Variants in SLCO1B1 observed in about 807,000 individuals in gnomAD.
SLCO1B1 encodes the protein solute carrier organic anion transporter family member 1B1, also known as OATP-2.
A neutral mutation model predicts 70.1 loss-of-function variants in SLCO1B1; 81 were observed. The observed-to-expected ratio is 1.16, with a 90% CI of 0.97 to 1.39. The LOEUF (loss-of-function observed/expected upper bound fraction) is 1.39, where lower values mean the gene tolerates loss of function less well. Ranked by LOEUF, SLCO1B1 falls within the 40% of genes most tolerant of loss-of-function variation. The pLI is 0.00. For missense variants in SLCO1B1, 895 were observed against 799.6 expected (o/e 1.12, Z -1.44); for synonymous variants, 283 against 271.5 (o/e 1.04, Z -0.42).
chr12:21,146,009 A>T (rs1940377423), intron 2 of SLCO1B1, among the ~76,000 whole-genome samples: 1 of 152,150 alleles, frequency 6.6e-6, no homozygotes, highest in South Asian at 2.1e-4. Flanking sequence ...TCTGAAAAAA[A>T]CTGTAGAGAA....
intron 14 of SLCO1B1, 43 bp downstream of exon 14, chr12:21,224,882 T>C: frequency 2.0e-6 from 2 of 977,234 alleles, no homozygotes; most frequent in Non-Finnish European, 3.2e-6. Context: ...TCTTTGACTA[T>C]ATTAATTCCT....
chr12:21,146,194 A>G (rs1442503955), intron 2 of SLCO1B1, among the ~76,000 whole-genome samples: 1 of 152,000 alleles, frequency 6.6e-6, no homozygotes, highest in African/African-American at 2.4e-5. Flanking sequence ...GTCTTTCAAT[A>G]TATTGGTCTA....
intron 7 of SLCO1B1, among the ~76,000 whole-genome samples, chr12:21,180,623 G>A (rs2121111651): frequency 6.6e-6 from 1 of 152,280 alleles, no homozygotes; most frequent in East Asian, 1.9e-4. Context: ...AGACATCACA[G>A]TGGGCCAGCA....
chr12:21,200,868 TC>T (rs1478028774), intron 9 of SLCO1B1, among the ~76,000 whole-genome samples, 196 bp downstream of exon 9: 1 of 152,164 alleles, frequency 6.6e-6, no homozygotes, highest in East Asian at 1.9e-4. Flanking sequence ...TGAAGTTGCA[TC>T]TTATTTTAGA....
chr12:21,136,062 A>T (rs1193627454), intron 1 of SLCO1B1, among the ~76,000 whole-genome samples: 3 of 151,982 alleles, frequency 2.0e-5, no homozygotes, highest in African/African-American at 7.3e-5. Context: ...CTTGTCTGTG[A>T]AGGATTTTGT....
intron 11 of SLCO1B1, 47 bp from the exon 12 acceptor site, chr12:21,217,072 T>C (rs773315505): frequency 1.1e-5 from 16 of 1,415,432 alleles, no homozygotes; most frequent in Non-Finnish European, 1.6e-5. Flanking sequence ...GCAGCACTGT[T>C]AGGTCTTGCA....
intron 1 of SLCO1B1, among the ~76,000 whole-genome samples, chr12:21,136,935 C>T (rs529433408): frequency 6.6e-6 from 1 of 152,272 alleles, no homozygotes; most frequent in African/African-American, 2.4e-5. Flanking sequence ...AGTTTTTCTG[C>T]TCTGTTTTTT....
chr12:21,239,452 T>C lies in SLCO1B1; in HGVS notation c.*263T>C, dbSNP rs553805035. On this transcript the variant is annotated 3_prime_UTR_variant, in exon 15 of 15. Transcript: ENST00000256958. ...ATACAAATTAAAGTGAGAGACATGG[T>C]TACTGTGTAATAAAAGAAAAAATAC... Among the ~76,000 whole-genome samples the C allele has an allele frequency of 6.6e-6, 1 of 152,298 alleles. No homozygotes were observed. The highest frequency in any genetic ancestry group is 1.9e-4 in the East Asian group (1 of 5,186).
In SLCO1B1 at chr12:21,239,615, T is replaced by C. The variant is rs1249369597; in HGVS notation, c.*426T>C. 6.6e-6 allele frequency among the ~76,000 whole-genome samples: 1 copy of C among 152,168 alleles called. No individual in the cohort carries two copies. Among genetic ancestry groups the C allele is most frequent in the East Asian group, 1.9e-4 (1 of 5,202 alleles). ...TTATTAAACAAACAAACACAGAGTT[T>C]GAACTATAATACTAAGGCCTGAAGT... is the stretch of plus-strand genomic sequence containing the variant. On this transcript the variant is annotated 3_prime_UTR_variant, in exon 15 of 15. Coordinates refer to ENST00000256958, the MANE Select transcript of SLCO1B1 (RefSeq NM_006446.5).
chr12:21,170,424 AG>A (rs1241614767), intron 2 of SLCO1B1, among the ~76,000 whole-genome samples: 2 of 152,174 alleles, frequency 1.3e-5, no homozygotes, highest in Non-Finnish European at 2.9e-5. Context: ...TTGAGGTTCC[AG>A]GGCTGTTCTG....
At chr12:21,158,213 A>G (rs751519467) in intron 2 of SLCO1B1, among the ~76,000 whole-genome samples, 3 of 152,192 alleles carry the variant, frequency 2.0e-5, no homozygotes, top group Non-Finnish European at 4.4e-5. Flanking sequence ...TATATTAAGT[A>G]AAGTAATAGC....
chr12:21,155,727 C>T (rs982063809), intron 2 of SLCO1B1, among the ~76,000 whole-genome samples: 4 of 152,142 alleles, frequency 2.6e-5, no homozygotes, highest in African/African-American at 7.2e-5. Context: ...CAATAAATCA[C>T]GTCACTCTGC....
chr12:21,132,326 T>C (rs1940149296), intron 1 of SLCO1B1, among the ~76,000 whole-genome samples: 1 of 152,230 alleles, frequency 6.6e-6, no homozygotes, highest in African/African-American at 2.4e-5. Flanking sequence ...AGCAGCATGA[T>C]TTATAATCCC....
chr12:21,227,591 AAG>A (rs1941494875), intron 14 of SLCO1B1, among the ~76,000 whole-genome samples: 1 of 152,156 alleles, frequency 6.6e-6, no homozygotes, highest in Admixed American at 6.5e-5. Context: ...AAATGGGAGA[AAG>A]AAATGAAAAG....
At chr12:21,150,289 G>A (rs1017700870) in intron 2 of SLCO1B1, among the ~76,000 whole-genome samples, 1 of 152,116 alleles carries the variant, frequency 6.6e-6, no homozygotes, top group African/African-American at 2.4e-5. Context: ...AAACTATCCT[G>A]CCTGCTGGCT....
rs1294842478 is a variant in SLCO1B1 at position 21,209,760 on chromosome 12, G to A, written c.1497+3727G>A. On this transcript the variant is annotated intron_variant, in intron 11 of 14. Coordinates refer to ENST00000256958, the MANE Select transcript of SLCO1B1 (RefSeq NM_006446.5). ...TTTAATGATTGCCATTCTAACTGGT[G>A]TGAGATGGTATCTCATTGTGGTTTT... Among the ~76,000 whole-genome samples, 278 of 151,208 alleles carry A rather than the reference G, an allele frequency of 1.8e-3. 9 individuals are homozygous for A. Among genetic ancestry groups the A allele is most frequent in the Admixed American group, 0.018 (269 of 15,198 alleles).
chr12:21,170,492 T>A (rs1021828240), intron 2 of SLCO1B1, among the ~76,000 whole-genome samples: 3 of 152,214 alleles, frequency 2.0e-5, no homozygotes, highest in African/African-American at 7.2e-5. Context: ...ATAAAATGAT[T>A]TTTTAATGAT....
intron 13 of SLCO1B1, among the ~76,000 whole-genome samples, chr12:21,223,131 A>G (rs1163988787): frequency 6.6e-6 from 1 of 152,134 alleles, no homozygotes; most frequent in African/African-American, 2.4e-5. Context: ...ACTCCTTCTC[A>G]TATGTAGAAA....
At chr12:21,192,544 G>A (rs57986280) in intron 7 of SLCO1B1, among the ~76,000 whole-genome samples, 1,576 of 150,970 alleles carry the variant, frequency 0.01, 36 homozygotes, top group South Asian at 0.039. Context: ...ACTTAGTTGT[G>A]TTGATATTTT....
Sources: gnomAD v4.1 joint callset for allele counts (sites outside exome capture counted in the v4.1 genomes callset) on GRCh38, gnomAD v4.1.1 for gene constraint, MANE v1.5 for transcripts, NCBI Gene and HGNC (gene_info 2026-07-23, HGNC 2026-07-21) for gene names.